The following NHERF2 variants were observed in gnomAD, a reference collection of about 807,000 sequenced individuals.
The protein encoded by NHERF2 is Na(+)/H(+) exchange regulatory cofactor NHE-RF2.
At chr16:2,037,935 C>A in the NHERF2 span, 1 of 1,613,384 alleles carries the variant, frequency 6.2e-7, no homozygotes, top group Non-Finnish European at 8.5e-7. Context: ...AACAAGCGCG[C>A]GCCACAGATG....
the NHERF2 span, among the ~76,000 whole-genome samples, chr16:2,030,090 G>A: frequency 2.0e-5 from 3 of 152,210 alleles, no homozygotes; most frequent in Non-Finnish European, 2.9e-5. Flanking sequence ...CCCCAGCCTC[G>A]TGGCTGAGGA....
At chr16:2,038,959 C>G in the NHERF2 span, 2 of 152,760 alleles carry the variant, frequency 1.3e-5, no homozygotes, top group Admixed American at 6.5e-5. Context: ...ACCGATCGAC[C>G]GGCACCGCTG....
chr16:2,034,809 T>TC, the NHERF2 span, among the ~76,000 whole-genome samples: 1 of 150,374 alleles, frequency 6.7e-6, no homozygotes, highest in African/African-American at 2.4e-5. Flanking sequence ...TGGACTCCTG[T>TC]CCCCACGCCT....
chr16:2,031,613 C>A, the NHERF2 span, among the ~76,000 whole-genome samples: 1 of 152,132 alleles, frequency 6.6e-6, no homozygotes, highest in African/African-American at 2.4e-5. Flanking sequence ...TTTAGAGGAA[C>A]AAAGGGTGGC....
the NHERF2 span, among the ~76,000 whole-genome samples, chr16:2,027,798 G>C: frequency 6.6e-6 from 1 of 152,198 alleles, no homozygotes; most frequent in African/African-American, 2.4e-5. Context: ...GTGTGTGCAC[G>C]CCTGGCTAGT....
At chr16:2,033,486 C>T in the NHERF2 span, 9 of 1,487,040 alleles carry the variant, frequency 6.1e-6, no homozygotes, top group African/African-American at 2.8e-5. Flanking sequence ...GCCGCTCAGC[C>T]TCCCGGGGTG....
chr16:2,036,716 T>C, the NHERF2 span: 2 of 1,610,132 alleles, frequency 1.2e-6, no homozygotes, highest in Non-Finnish European at 1.7e-6. Context: ...TGATACATGC[T>C]GGTGGCGGCA....
the NHERF2 span, among the ~76,000 whole-genome samples, chr16:2,028,457 C>T: frequency 6.6e-6 from 1 of 152,222 alleles, no homozygotes. Flanking sequence ...GGGCTGGTCT[C>T]TGAGGACTGG....
chr16:2,035,548 C>T, the NHERF2 span: 51 of 986,790 alleles, frequency 5.2e-5, no homozygotes, highest in South Asian at 9.4e-5. Flanking sequence ...CTGCCTGCTC[C>T]GGCCACCGCC....
chr16:2,035,003 G>C, the NHERF2 span, among the ~76,000 whole-genome samples: 63 of 152,148 alleles, frequency 4.1e-4, no homozygotes, highest in African/African-American at 1.3e-3. Context: ...CTCTAATTCA[G>C]CCCATGTGGC....
At chr16:2,027,163 G>A in the NHERF2 span, 3 of 1,474,644 alleles carry the variant, frequency 2.0e-6, no homozygotes, top group Non-Finnish European at 2.7e-6. Flanking sequence ...CTGCGCGCTG[G>A]GGACCGCCTG....
chr16:2,027,252 C>G, the NHERF2 span: 2 of 1,235,228 alleles, frequency 1.6e-6, no homozygotes, highest in Admixed American at 4.3e-5. Context: ...GCCCGCCGCC[C>G]CCTCCCCGAG....
chr16:2,038,153 T>G, the NHERF2 span: 2 of 754,444 alleles, frequency 2.7e-6, no homozygotes, highest in Non-Finnish European at 4.2e-6. Context: ...CACCAGGTAC[T>G]GGGGGCCTGT....
the NHERF2 span, among the ~76,000 whole-genome samples, chr16:2,030,501 G>C: frequency 1.3e-5 from 2 of 152,174 alleles, no homozygotes; most frequent in Admixed American, 1.3e-4. Flanking sequence ...CCTCCTGCTA[G>C]GTGGCCGACT....
chr16:2,029,447 C>G, the NHERF2 span: 1 of 789,328 alleles, frequency 1.3e-6, no homozygotes, highest in African/African-American at 1.7e-5. Context: ...GGCCGGCAGG[C>G]CTCTTGGTGC....
chr16:2,028,999 C>T, the NHERF2 span, among the ~76,000 whole-genome samples: 4 of 152,232 alleles, frequency 2.6e-5, no homozygotes, highest in Admixed American at 6.5e-5. Context: ...CTTCCCCTCT[C>T]TGCAGATCCA....
At chr16:2,038,014 G>A in the NHERF2 span, 2 of 1,612,024 alleles carry the variant, frequency 1.2e-6, no homozygotes. Context: ...GGGACCCTGG[G>A]ACCCCTCCCG....
At chr16:2,037,720 C>T in the NHERF2 span, 1 of 1,550,854 alleles carries the variant, frequency 6.4e-7, no homozygotes, top group Non-Finnish European at 8.7e-7. Flanking sequence ...TCGTGAGCCC[C>T]AGCCCCAGCA....
chr16:2,035,512 C>G, the NHERF2 span: 1 of 986,442 alleles, frequency 1.0e-6, no homozygotes. Flanking sequence ...TCAAGCTTGG[C>G]GCTCCCTGGA....
Sources: allele counts gnomAD v4.1 joint callset (sites outside exome capture counted in the v4.1 genomes callset), GRCh38; gene constraint gnomAD v4.1.1; transcripts MANE v1.5; gene names NCBI Gene and HGNC (gene_info 2026-07-23, HGNC 2026-07-21).